The following SRGAP1 variants were observed in gnomAD, a reference collection of about 807,000 sequenced individuals.
The protein encoded by SRGAP1 is SLIT-ROBO Rho GTPase-activating protein 1.
A neutral mutation model predicts 121.9 loss-of-function variants in SRGAP1; 43 were observed. That is an observed-to-expected ratio of 0.35 (90% CI 0.28 to 0.46). The LOEUF (loss-of-function observed/expected upper bound fraction) is 0.46. Among genes scored for constraint, SRGAP1 ranks in the 20% least tolerant of loss-of-function variants. SRGAP1 has a pLI of 1.00. For synonymous variants in SRGAP1, 447 were observed against 485.4 expected (o/e 0.92, Z 1.04); for missense variants, 1,102 against 1,350.9 (o/e 0.82, Z 2.89).
chr12:63,868,363 G>A (rs1041772836), intron 1 of SRGAP1, among the ~76,000 whole-genome samples: 2 of 151,966 alleles, frequency 1.3e-5, no homozygotes, highest in African/African-American at 2.4e-5. Flanking sequence ...GCTTACAGGC[G>A]TGAGCCACCG....
chr12:64,015,780 C>T (rs565946367), intron 3 of SRGAP1, among the ~76,000 whole-genome samples: 7 of 152,288 alleles, frequency 4.6e-5, no homozygotes, highest in African/African-American at 1.7e-4. Context: ...TTATCCCTAA[C>T]ACTGATAGTC....
At chr12:63,992,927 C>T (rs2033594984) in intron 3 of SRGAP1, among the ~76,000 whole-genome samples, 1 of 152,144 alleles carries the variant, frequency 6.6e-6, no homozygotes, top group African/African-American at 2.4e-5. Flanking sequence ...CCATTGCTGA[C>T]CACCTGGAAG....
chr12:63,977,923 C>T (rs556467618), intron 1 of SRGAP1, among the ~76,000 whole-genome samples: 3 of 152,020 alleles, frequency 2.0e-5, no homozygotes, highest in Non-Finnish European at 2.9e-5. Flanking sequence ...CACATTTTTC[C>T]GCCTAAAAGT....
chr12:63,863,914 G>A (rs978747674), intron 1 of SRGAP1, among the ~76,000 whole-genome samples: 17 of 152,146 alleles, frequency 1.1e-4, no homozygotes, highest in Non-Finnish European at 2.4e-4. Flanking sequence ...ACAGAAACAG[G>A]TGGATTGGTT....
In SRGAP1 at chr12:64,127,960, C is replaced by T. The variant is rs60101570; in HGVS notation, c.2640C>T (p.Ser880=). 1 of 1,614,234 alleles carries T rather than the reference C, an allele frequency of 6.2e-7. No homozygotes were observed. The highest frequency in any genetic ancestry group is 8.5e-7 in the Non-Finnish European group (1 of 1,180,036). The change falls in exon 21 of 22, where the codon TCC becomes TCT. Residue 880 remains serine, a synonymous_variant. Coordinates refer to ENST00000355086, the MANE Select transcript of SRGAP1 (RefSeq NM_020762.4). ...PLHPPHALSN[S]SVDLGSPSLA... Reference sequence around the variant, plus strand: ...ACCCTCCACATGCCCTTTCTAACTCCTCAGTTGACCTAGGGTCCCCAAGCC... The same window carrying T: ...ACCCTCCACATGCCCTTTCTAACTCTTCAGTTGACCTAGGGTCCCCAAGCC...
intron 10 of SRGAP1, chr12:64,080,648 G>C: frequency 2.1e-6 from 1 of 482,848 alleles, no homozygotes; most frequent in Non-Finnish European, 3.8e-6. Flanking sequence ...TGGTGCTCCT[G>C]ATCGTAGAAA....
chr12:64,017,016 A>G lies in SRGAP1; in HGVS notation c.489+4A>G, dbSNP rs926416960. 6.7e-7 allele frequency: 1 copy of G among 1,501,586 alleles called. No homozygotes were observed. The highest frequency in any genetic ancestry group is 1.2e-5 in the South Asian group (1 of 82,720). The allele number at this position is 1,501,586 out of a possible 1,614,324, so 93.0% of individuals were successfully genotyped here. A position where few individuals can be genotyped will look rare whatever the true frequency, so the allele number is the denominator to read the frequency against. ...GGTTCTTAATGAGCTTTATACGGTAAGGACATAATCTTTCTTCTTTTCTAG... is the reference window on the plus strand; with the variant it reads ...GGTTCTTAATGAGCTTTATACGGTAGGGACATAATCTTTCTTCTTTTCTAG... On this transcript the variant is annotated splice_donor_region_variant and intron_variant, in intron 4 of 21. Transcript: ENST00000355086.
At chr12:64,043,883 A>G (rs1373829927) in intron 6 of SRGAP1, among the ~76,000 whole-genome samples, 3 of 152,216 alleles carry the variant, frequency 2.0e-5, no homozygotes, top group African/African-American at 7.2e-5. Flanking sequence ...GCACAGCCCT[A>G]ACTGCATTCA....
At chr12:63,908,044 C>A (rs1000313797) in intron 1 of SRGAP1, among the ~76,000 whole-genome samples, 5 of 152,144 alleles carry the variant, frequency 3.3e-5, no homozygotes, top group African/African-American at 1.2e-4. Context: ...ACTTTTAATT[C>A]TGTTCCATTG....
intron 18 of SRGAP1, among the ~76,000 whole-genome samples, chr12:64,121,440 A>G (rs1046462260): frequency 4.0e-5 from 6 of 151,666 alleles, no homozygotes; most frequent in Non-Finnish European, 8.8e-5. Flanking sequence ...TTTTCTTTAG[A>G]GACAGGGCCT....
intron 4 of SRGAP1, among the ~76,000 whole-genome samples, chr12:64,019,519 G>T (rs941746235): frequency 6.6e-6 from 1 of 152,066 alleles, no homozygotes; most frequent in African/African-American, 2.4e-5. Flanking sequence ...GCTCAGCAAG[G>T]CCAGAGGTCA....
At chr12:63,941,724 A>G (rs1424347467) in intron 1 of SRGAP1, among the ~76,000 whole-genome samples, 2 of 151,778 alleles carry the variant, frequency 1.3e-5, no homozygotes, top group African/African-American at 4.8e-5. Context: ...AGCCTTTTCT[A>G]ACATATTTCT....
chr12:64,017,176 C>T (rs2034426100), intron 4 of SRGAP1, among the ~76,000 whole-genome samples, 164 bp downstream of exon 4: 1 of 152,096 alleles, frequency 6.6e-6, no homozygotes, highest in South Asian at 2.1e-4. Context: ...CATTCCTTCG[C>T]CACTCCATTC....
intron 15 of SRGAP1, among the ~76,000 whole-genome samples, chr12:64,098,152 TCCCTCCA>T (rs2036194109): frequency 6.6e-6 from 1 of 151,906 alleles, no homozygotes; most frequent in Non-Finnish European, 1.5e-5. Flanking sequence ...CTCCGTACAG[TCCCTCCA>T]CCCCCCATCT....
intron 4 of SRGAP1, among the ~76,000 whole-genome samples, chr12:64,024,662 T>C (rs1470554403): frequency 6.6e-6 from 1 of 152,158 alleles, no homozygotes; most frequent in African/African-American, 2.4e-5. Flanking sequence ...CACACTGCAA[T>C]GAAGAAATAC....
At chr12:64,112,548 T>C (rs2036446987) in intron 17 of SRGAP1, among the ~76,000 whole-genome samples, 1 of 152,236 alleles carries the variant, frequency 6.6e-6, no homozygotes, top group African/African-American at 2.4e-5. Context: ...CTCCCATTGC[T>C]GCAAATGACA....
chr12:63,870,700 C>A (rs1394689989), intron 1 of SRGAP1, among the ~76,000 whole-genome samples: 1 of 151,942 alleles, frequency 6.6e-6, no homozygotes, highest in African/African-American at 2.4e-5. Flanking sequence ...CCACCATGCC[C>A]AACTAATTTT....
chr12:64,029,959 A>G (rs752817975), intron 4 of SRGAP1, among the ~76,000 whole-genome samples: 10 of 151,984 alleles, frequency 6.6e-5, no homozygotes, highest in Non-Finnish European at 1.2e-4. Context: ...TTAAACTGAG[A>G]TTTCTTAAAA....
chr12:63,988,238 A>G (rs981545470), intron 2 of SRGAP1, among the ~76,000 whole-genome samples: 1 of 152,228 alleles, frequency 6.6e-6, no homozygotes, highest in African/African-American at 2.4e-5. Context: ...GGATATGTTG[A>G]AGCATGAAAT....
Sources: allele counts gnomAD v4.1 joint callset (sites outside exome capture counted in the v4.1 genomes callset), GRCh38; gene constraint gnomAD v4.1.1; transcripts MANE v1.5; gene names NCBI Gene and HGNC (gene_info 2026-07-23, HGNC 2026-07-21).